Variants in WDFY3 observed in about 807,000 individuals in gnomAD.
WDFY3 encodes the protein WD repeat and FYVE domain-containing protein 3.
WDFY3 carries 66 observed loss-of-function variants against 409.6 expected under a neutral mutation model. The ratio of observed to expected loss-of-function variants is 0.16; its 90% CI spans 0.13 to 0.20. The LOEUF (loss-of-function observed/expected upper bound fraction) is 0.20, where lower values mean the gene tolerates loss of function less well. Ranked by LOEUF, WDFY3 falls within the 10% of genes least tolerant of loss-of-function variation. The pLI, the probability that WDFY3 is intolerant of heterozygous loss-of-function variation, is 1.00. For missense variants in WDFY3, 3,031 were observed against 4,298.1 expected, an observed-to-expected ratio of 0.71 and a Z score of 8.24; for synonymous variants, 1,521 against 1,537.1, an observed-to-expected ratio of 0.99 and a Z score of 0.25.
chr4:84,791,601 G>T (rs185050726), intron 21 of WDFY3, among the ~76,000 whole-genome samples: 2 of 152,090 alleles, frequency 1.3e-5, no homozygotes, highest in African/African-American at 4.8e-5. Context: ...AAAAAGAACC[G>T]AGAAAAATGT....
chr4:84,715,186 C>T, intron 50 of WDFY3, 112 bp downstream of exon 50: 1 of 592,432 alleles, frequency 1.7e-6, no homozygotes, highest in Non-Finnish European at 3.0e-6. Flanking sequence ...TTATTTTCTT[C>T]AAAGATGTTG....
In WDFY3 at chr4:84,682,411, G is replaced by A. The variant is rs1727525919; in HGVS notation, c.9786C>T (p.Val3262=). 1 of 1,613,816 alleles carries A rather than the reference G, an allele frequency of 6.2e-7. No homozygotes were observed. The highest frequency in any genetic ancestry group is 1.7e-5 in the Admixed American group (1 of 60,002). Residue 3262 remains valine, a synonymous_variant, in exon 64 of 68, where the codon GTC becomes GTT. Coordinates refer to ENST00000295888, the MANE Select transcript of WDFY3 (RefSeq NM_014991.6). ...PETPAPEPAE[V]LEMQEDCPEA... is the part of the protein sequence containing the mutation. ...CTGGACAGTCTTCCTGCATTTCTAG[G>A]ACTTCAGCAGGCTCAGGAGCTGGTG...
chr4:84,752,841 C>T (rs190828891), intron 35 of WDFY3, among the ~76,000 whole-genome samples: 312 of 152,158 alleles, frequency 2.1e-3, no homozygotes, highest in Admixed American at 4.8e-3. Flanking sequence ...TGTGTTTTAT[C>T]TATTTATTTT....
At chr4:84,758,990 A>G (rs1741978889) in intron 32 of WDFY3, among the ~76,000 whole-genome samples, 1 of 152,152 alleles carries the variant, frequency 6.6e-6, no homozygotes, top group Non-Finnish European at 1.5e-5. Flanking sequence ...ATAAGGTGTA[A>G]GCAAGGGATC....
In WDFY3 at chr4:84,734,456, G is replaced by A. The variant is rs115048012; in HGVS notation, c.6993+587C>T. Reference sequence around the variant, plus strand: ...AAACTAAGGATCTAGTGTTATATCCGTAAAATATTAGCAGTTAACCATTCA... The same window carrying A: ...AAACTAAGGATCTAGTGTTATATCCATAAAATATTAGCAGTTAACCATTCA... On this transcript the variant is annotated intron_variant, in intron 43 of 67. Transcript: ENST00000295888. Among the ~76,000 whole-genome samples the A allele has an allele frequency of 7.3e-3, 1,105 of 152,158 alleles. 14 individuals carry two copies. Among genetic ancestry groups the A allele is most frequent in the African/African-American group, 0.022 (921 of 41,512 alleles).
intron 56 of WDFY3, among the ~76,000 whole-genome samples, chr4:84,701,885 A>C (rs1731117222): frequency 6.6e-6 from 1 of 152,236 alleles, no homozygotes; most frequent in Non-Finnish European, 1.5e-5. Flanking sequence ...TTAAAACAAT[A>C]CATGGAAAAT....
chr4:84,953,155 A>G (rs1773819218), intron 1 of WDFY3, among the ~76,000 whole-genome samples: 1 of 152,068 alleles, frequency 6.6e-6, no homozygotes. Flanking sequence ...GACCCGAAGG[A>G]TATTACACTA....
chr4:84,895,669 G>C (rs1284417357), intron 3 of WDFY3, among the ~76,000 whole-genome samples: 1 of 152,154 alleles, frequency 6.6e-6, no homozygotes, highest in East Asian at 1.9e-4. Context: ...AATATAGTGT[G>C]ATATGTGGGA....
intron 1 of WDFY3, among the ~76,000 whole-genome samples, chr4:84,932,936 T>A (rs1268554922): frequency 6.6e-6 from 1 of 152,150 alleles, no homozygotes; most frequent in African/African-American, 2.4e-5. Flanking sequence ...CATTTACCAG[T>A]CAATATTTCA....
intron 45 of WDFY3, among the ~76,000 whole-genome samples, chr4:84,724,944 C>CA (rs1454519896): frequency 6.6e-6 from 1 of 152,192 alleles, no homozygotes; most frequent in Non-Finnish European, 1.5e-5. Context: ...CATCAAGCTG[C>CA]AAACAGCCTG....
chr4:84,902,559 T>C (rs1766480249), intron 2 of WDFY3, among the ~76,000 whole-genome samples: 1 of 152,134 alleles, frequency 6.6e-6, no homozygotes, highest in Non-Finnish European at 1.5e-5. Flanking sequence ...CTGTAAACCA[T>C]TTTTACATGG....
intron 3 of WDFY3, chr4:84,886,594 T>C (rs1578987434): frequency 6.6e-6 from 1 of 152,190 alleles, no homozygotes; most frequent in East Asian, 1.9e-4. Context: ...TTAAAATAAA[T>C]TTCATCTGCT....
rs891882035 is a variant in WDFY3, at chr4:84,774,837, G to T, written c.4737C>A (p.Ser1579Arg). ...VLSFLLQGFPSSNDLLRFGQF... is the reference protein window; with the variant it reads ...VLSFLLQGFPRSNDLLRFGQF... ...TTTCCTACCTGAGCAGATCATTGCT[G>T]CTAGGAAAACCTTGCAGTAAGAAGC... Residue 1579 changes from serine to arginine, a missense_variant, in exon 29 of 68, where the codon AGC becomes AGA. Physicochemically the swap from Ser to Arg is moderately radical, Grantham distance 110. This residue lies in a region of WDFY3 where 342 missense variants were observed against 463.7 expected (regional missense o/e 0.74). Transcript: ENST00000295888. The T allele has an allele frequency of 1.8e-5, 29 of 1,610,894 alleles. No homozygotes were observed. The highest frequency in any genetic ancestry group is 2.5e-5 in the Non-Finnish European group (29 of 1,179,130).
chr4:84,740,255 T>A lies in WDFY3; in HGVS notation c.6396A>T (p.Gly2132=), dbSNP rs748937090. ...TGAATTCTTGGTCATGGTTCCCAGG[T>A]CCCAGGATCAAGTTTCTGTTTACAG... ...VLTVNRNLIL[G]PGNHDQEFIS... Residue 2132 remains glycine, a synonymous_variant, in exon 39 of 68, where the codon GGA becomes GGT. Coordinates refer to ENST00000295888, the MANE Select transcript of WDFY3 (RefSeq NM_014991.6). 2 of 1,614,040 alleles carry A rather than the reference T, an allele frequency of 1.2e-6. No homozygotes were observed. Among genetic ancestry groups the A allele is most frequent in the Non-Finnish European group, 1.7e-6 (2 of 1,179,986 alleles).
intron 29 of WDFY3, among the ~76,000 whole-genome samples, chr4:84,773,474 AG>A (rs1745020242): frequency 6.6e-6 from 1 of 152,118 alleles, no homozygotes; most frequent in South Asian, 2.1e-4. Context: ...TTCCTGGAGT[AG>A]GGGGAACAGG....
intron 1 of WDFY3, among the ~76,000 whole-genome samples, chr4:84,938,917 T>C (rs750963110): frequency 3.7e-4 from 56 of 152,194 alleles, no homozygotes; most frequent in Non-Finnish European, 6.9e-4. Context: ...CTTTCTCTTA[T>C]AAGGAAAGCA....
chr4:84,944,415 C>T (rs1772544160), intron 1 of WDFY3, among the ~76,000 whole-genome samples: 1 of 151,820 alleles, frequency 6.6e-6, no homozygotes, highest in Admixed American at 6.6e-5. Flanking sequence ...ACCTGTAGTA[C>T]CAGTTACTTG....
At chr4:84,951,736 T>C (rs1773637872) in intron 1 of WDFY3, among the ~76,000 whole-genome samples, 1 of 152,186 alleles carries the variant, frequency 6.6e-6, no homozygotes. Context: ...AAAATAGTGC[T>C]TGCCAAACAA....
At chr4:84,805,733 T>C (rs990779026) in intron 15 of WDFY3, among the ~76,000 whole-genome samples, 1 of 152,208 alleles carries the variant, frequency 6.6e-6, no homozygotes, top group Non-Finnish European at 1.5e-5. Context: ...TCATCAGGTA[T>C]GTAGAGGCAC....
Sources: allele counts gnomAD v4.1 joint callset (sites outside exome capture counted in the v4.1 genomes callset), GRCh38; gene constraint gnomAD v4.1.1; regional missense constraint gnomAD v4.1.1; transcripts MANE v1.5; gene names NCBI Gene and HGNC (gene_info 2026-07-23, HGNC 2026-07-21).